CNN2: variants seen among roughly 807,000 people sequenced by gnomAD.
The protein encoded by CNN2 is calponin-2.
In CNN2, 21 loss-of-function variants were observed where a neutral mutation model predicts 31.0. The observed-to-expected ratio is 0.68, with a 90% CI of 0.48 to 0.98. The LOEUF is 0.98. Among genes scored for constraint, CNN2 ranks in the 50% least tolerant of loss-of-function variants. CNN2 has a pLI of 0.00. For missense variants in CNN2, 399 were observed against 427.3 expected, an observed-to-expected ratio of 0.93 and a Z score of 0.58; for synonymous variants, 165 against 179.6, an observed-to-expected ratio of 0.92 and a Z score of 0.65.
chr19:1,038,775 T>TTGGCCAGGCTGGTCTCGAACTCC lies in CNN2; in HGVS notation c.*881_*903dup. 1 of 152,358 alleles carries TTGGCCAGGCTGGTCTCGAACTCC rather than the reference T, an allele frequency of 6.6e-6. No individual in the cohort carries two copies. The highest frequency in any genetic ancestry group is 2.1e-4 in the South Asian group (1 of 4,848). The allele number at this position is 152,358 out of a possible 1,614,324, so 9.4% of individuals were successfully genotyped here. ...TTAGTAGAGATGGGGTTTCCCCATG[T>TTGGCCAGGCTGGTCTCGAACTCC]TGGCCAGGCTGGTCTCGAACTCCTG... On this transcript the variant is annotated 3_prime_UTR_variant, in exon 7 of 7. Coordinates refer to ENST00000263097, the MANE Select transcript of CNN2 (RefSeq NM_004368.4).
At chr19:1,027,878 C>T (rs1279462391) in intron 1 of CNN2, among the ~76,000 whole-genome samples, 2 of 152,224 alleles carry the variant, frequency 1.3e-5, no homozygotes, top group Non-Finnish European at 2.9e-5. Context: ...GGCCGGCAGA[C>T]TGGAGGGAGA....
intron 4 of CNN2, among the ~76,000 whole-genome samples, chr19:1,033,613 C>T (rs907405203): frequency 6.6e-6 from 1 of 151,458 alleles, no homozygotes; most frequent in African/African-American, 2.4e-5. Flanking sequence ...AGACCGGGAG[C>T]GTGGGTGGGA....
In CNN2 at chr19:1,036,475, T is replaced by C. The variant is rs201992108; in HGVS notation, c.567T>C (p.His189=). ...TGACTGCCTACGGCACGAGAAGGCA[T>C]CTCTATGACCCCAAGAACCATATCC... ...SGMTAYGTRR[H]LYDPKNHILP... The change falls in exon 6 of 7, where the codon CAT becomes CAC. Residue 189 remains histidine, a synonymous_variant. Transcript: ENST00000263097. 3.0e-5 allele frequency: 49 copies of C among 1,613,006 alleles called. No individual in the cohort carries two copies. In the African/African-American group the frequency reaches 5.2e-4, roughly 17 times the overall value.
At chr19:1,030,430 T>C (rs1403771140) in intron 1 of CNN2, among the ~76,000 whole-genome samples, 3 of 151,900 alleles carry the variant, frequency 2.0e-5, no homozygotes, top group Non-Finnish European at 4.4e-5. Flanking sequence ...ATGGAGACCA[T>C]CTTGGCTAAC....
chr19:1,036,944 C>T (rs1196241059), intron 6 of CNN2: 6 of 308,392 alleles, frequency 1.9e-5, no homozygotes, highest in Non-Finnish European at 3.1e-5. Flanking sequence ...ACCTCTGCCT[C>T]CCGGGTTCAA....
chr19:1,035,380 T>C (rs2039564386), intron 4 of CNN2, among the ~76,000 whole-genome samples: 1 of 152,034 alleles, frequency 6.6e-6, no homozygotes, highest in African/African-American at 2.4e-5. Context: ...CTGCTCCAAA[T>C]GGTGTTTTCA....
At chr19:1,032,234 C>CA (rs59436549) in intron 2 of CNN2, among the ~76,000 whole-genome samples, 158 bp from the exon 3 acceptor site, 13,311 of 96,508 alleles carry the variant, frequency 0.14, 875 homozygotes, top group African/African-American at 0.19. Context: ...GACGCCGTCT[C>CA]AAAAAAAAAA....
rs751544376 is a variant in CNN2, at chr19:1,036,718, C to T, written c.654+156C>T. ...GGCTTCCCTCCCCGCTCTCTGTCTC[C>T]GCCTTGGATTTCAGCCTCTGTCATT... On this transcript the variant is annotated intron_variant, in intron 6 of 6. Coordinates refer to ENST00000263097, the MANE Select transcript of CNN2 (RefSeq NM_004368.4). 80 of 885,890 alleles carry T rather than the reference C, an allele frequency of 9.0e-5. 1 individual carries two copies. The highest frequency in any genetic ancestry group is 1.1e-4 in the Non-Finnish European group (63 of 561,146). The allele number at this position is 885,890 out of a possible 1,614,324, so 54.9% of individuals were successfully genotyped here.
Position 1,036,446 on chromosome 19 carries a change from G to C in CNN2, c.538G>C (p.Gly180Arg). 6.2e-7 allele frequency: 1 copy of C among 1,613,018 alleles called. No individual in the cohort carries two copies. ...MGTNKCASQS[G>R]MTAYGTRRHL... is the part of the protein sequence containing the mutation. ...CACCAACAAATGCGCCAGCCAGTCGGGCATGACTGCCTACGGCACGAGAAG... is the reference window on the plus strand; with the variant it reads ...CACCAACAAATGCGCCAGCCAGTCGCGCATGACTGCCTACGGCACGAGAAG... The change falls in exon 6 of 7, where the codon GGC (glycine) becomes CGC (arginine). Residue 180 changes from glycine (G) to arginine (R), a missense_variant. Transcript: ENST00000263097.
chr19:1,032,542 C>G lies in CNN2; in HGVS notation c.253-17C>G, dbSNP rs2039516185. 4 of 1,613,432 alleles carry G rather than the reference C, an allele frequency of 2.5e-6. No individual in the cohort carries two copies. The South Asian group carries it at 3.3e-5, about 13-fold the overall frequency. On this transcript the variant is annotated splice_polypyrimidine_tract_variant and intron_variant, in intron 3 of 6. Coordinates refer to ENST00000263097, the MANE Select transcript of CNN2 (RefSeq NM_004368.4). ...AGACTGAGGCCCACTCACTGTCCCT[C>G]TCCTGCCTCTTCCCAGCTAGAAAAC...
intron 1 of CNN2, among the ~76,000 whole-genome samples, chr19:1,027,938 G>C (rs2039425374): frequency 6.6e-6 from 1 of 152,184 alleles, no homozygotes; most frequent in Admixed American, 6.5e-5. Context: ...ACCAGCTCTT[G>C]GCCAAAAAGG....
chr19:1,037,951 G>A lies in CNN2; in HGVS notation c.*51G>A, dbSNP rs769171843. On this transcript the variant is annotated 3_prime_UTR_variant, in exon 7 of 7. Coordinates refer to ENST00000263097, the MANE Select transcript of CNN2 (RefSeq NM_004368.4). ...ATCGTCTGCCCATCTGGGTTTTTGG[G>A]TTTTTCTGTGTTTTCATCTTTTTTT... 1 of 1,422,380 alleles carries A rather than the reference G, an allele frequency of 7.0e-7. No individual in the cohort carries two copies. The highest frequency in any genetic ancestry group is 9.2e-7 in the Non-Finnish European group (1 of 1,087,086). The allele number at this position is 1,422,380 out of a possible 1,614,324, so 88.1% of individuals were successfully genotyped here. A position where few individuals can be genotyped will look rare whatever the true frequency, so the allele number is the denominator to read the frequency against.
chr19:1,026,937 T>G, intron 1 of CNN2: 1 of 522,130 alleles, frequency 1.9e-6, no homozygotes, highest in Non-Finnish European at 3.4e-6. Flanking sequence ...AGGTCTGAGA[T>G]CTGGGGGACG....
chr19:1,031,915 G>A (rs2039504440), intron 2 of CNN2, among the ~76,000 whole-genome samples: 1 of 151,932 alleles, frequency 6.6e-6, no homozygotes, highest in African/African-American at 2.4e-5. Flanking sequence ...ACCAAACCCA[G>A]CCAAAGATTA....
At chr19:1,031,870 G>A (rs1296001526) in intron 2 of CNN2, among the ~76,000 whole-genome samples, 1 of 151,882 alleles carries the variant, frequency 6.6e-6, no homozygotes, top group African/African-American at 2.4e-5. Flanking sequence ...TGCCTGCCTC[G>A]GCCTTCCAAA....
chr19:1,036,138 T>C lies in CNN2; in HGVS notation c.399T>C (p.Thr133=). 6.2e-7 allele frequency: 1 copy of C among 1,610,840 alleles called. No individual in the cohort carries two copies. The highest frequency in any genetic ancestry group is 8.5e-7 in the Non-Finnish European group (1 of 1,178,380). Residue 133 remains threonine, a synonymous_variant, in exon 5 of 7, where the codon ACT becomes ACC. Transcript: ENST00000263097. ...SLLALAGKAK[T]KGLQSGVDIG... ...CCCTTTCCCTCACCCAGGCCAAGACTAAGGGGCTGCAGAGCGGGGTGGACA... is the reference window on the plus strand; with the variant it reads ...CCCTTTCCCTCACCCAGGCCAAGACCAAGGGGCTGCAGAGCGGGGTGGACA...
chr19:1,035,277 CATG>C (rs1423983391), intron 4 of CNN2, among the ~76,000 whole-genome samples: 5 of 151,926 alleles, frequency 3.3e-5, no homozygotes, highest in Non-Finnish European at 7.4e-5. Context: ...GTGTTTGTGA[CATG>C]GTGTCTCACG....
At chr19:1,031,284 G>T in intron 2 of CNN2, 92 bp downstream of exon 2, 1 of 1,212,736 alleles carries the variant, frequency 8.2e-7, no homozygotes, top group Non-Finnish European at 1.1e-6. Flanking sequence ...TTGGGGGGCC[G>T]GGCATGGCCT....
intron 1 of CNN2, among the ~76,000 whole-genome samples, chr19:1,028,054 C>A (rs1006745084): frequency 6.6e-6 from 1 of 152,198 alleles, no homozygotes; most frequent in African/African-American, 2.4e-5. Context: ...TAGAGCCCCC[C>A]GTGCAGTGGG....
Sources: allele counts gnomAD v4.1 joint callset (sites outside exome capture counted in the v4.1 genomes callset), GRCh38; gene constraint gnomAD v4.1.1; transcripts MANE v1.5; gene names NCBI Gene and HGNC (gene_info 2026-07-23, HGNC 2026-07-21).